The following ASIC2 variants were observed in gnomAD, a reference collection of about 807,000 sequenced individuals.
ASIC2 encodes the protein acid-sensing ion channel 2.
In ASIC2, 25 loss-of-function variants were observed where a neutral mutation model predicts 57.3. The ratio of observed to expected loss-of-function variants is 0.44; its 90% CI spans 0.32 to 0.61. ASIC2 has a LOEUF of 0.61. Among genes scored for constraint, ASIC2 ranks in the 20% least tolerant of loss-of-function variants. ASIC2 has a pLI of 0.06. For synonymous variants in ASIC2, 319 were observed against 307.5 expected, an observed-to-expected ratio of 1.04 and a Z score of -0.39; for missense variants, 641 against 738.1, an observed-to-expected ratio of 0.87 and a Z score of 1.52.
chr17:33,526,275 G>A (rs561664646), intron 1 of ASIC2, among the ~76,000 whole-genome samples: 1 of 152,250 alleles, frequency 6.6e-6, no homozygotes, highest in South Asian at 2.1e-4. Context: ...TCTTCTTGCA[G>A]GGCAGCAGAG....
chr17:33,187,976 A>G (rs1433226581), intron 1 of ASIC2, among the ~76,000 whole-genome samples: 6 of 151,982 alleles, frequency 3.9e-5, no homozygotes, highest in Non-Finnish European at 8.8e-5. Flanking sequence ...GCAATGAGGG[A>G]AAAAAATCAA....
chr17:33,500,459 C>A (rs1914067112), intron 1 of ASIC2, among the ~76,000 whole-genome samples: 1 of 152,196 alleles, frequency 6.6e-6, no homozygotes, highest in Non-Finnish European at 1.5e-5. Flanking sequence ...AGGCCTGGGA[C>A]AGGCCTACAA....
chr17:33,873,667 T>C (rs529320759), intron 1 of ASIC2, among the ~76,000 whole-genome samples: 2 of 152,336 alleles, frequency 1.3e-5, no homozygotes, highest in African/African-American at 4.8e-5. Context: ...GGTAATACCA[T>C]GTACAAAAGC....
At chr17:33,912,444 T>C (rs1245849060) in intron 1 of ASIC2, among the ~76,000 whole-genome samples, 2 of 151,914 alleles carry the variant, frequency 1.3e-5, no homozygotes, top group Non-Finnish European at 2.9e-5. Context: ...ATGGCGCCAC[T>C]GCACTCCAGC....
chr17:33,719,145 G>A (rs1276841796), intron 1 of ASIC2, among the ~76,000 whole-genome samples: 1 of 152,282 alleles, frequency 6.6e-6, no homozygotes, highest in African/African-American at 2.4e-5. Flanking sequence ...CCACCAGAGA[G>A]GAAATCAGAC....
chr17:33,636,492 T>C (rs1223143733), intron 1 of ASIC2, among the ~76,000 whole-genome samples: 2 of 152,142 alleles, frequency 1.3e-5, no homozygotes, highest in Admixed American at 1.3e-4. Context: ...GGACCCGCCC[T>C]GGCTGGTTTG....
At chr17:33,705,415 C>T (rs1467141549) in intron 1 of ASIC2, among the ~76,000 whole-genome samples, 1 of 152,022 alleles carries the variant, frequency 6.6e-6, no homozygotes, top group Non-Finnish European at 1.5e-5. Flanking sequence ...AAGAATGTTA[C>T]CTTATTTGGA....
At chr17:33,699,389 G>A (rs1047578227) in intron 1 of ASIC2, among the ~76,000 whole-genome samples, 2 of 152,152 alleles carry the variant, frequency 1.3e-5, no homozygotes, top group African/African-American at 4.8e-5. Flanking sequence ...ACTGTCACGG[G>A]ATGCCAGTCT....
chr17:33,086,757 C>T (rs141444408), intron 3 of ASIC2, among the ~76,000 whole-genome samples: 3 of 152,246 alleles, frequency 2.0e-5, no homozygotes, highest in Non-Finnish European at 2.9e-5. Context: ...TTTGCTCCAG[C>T]CAACACCTGA....
At position 33,508,038 on chromosome 17, in the gene ASIC2, C is replaced by T. The variant is rs147544957; in HGVS notation, c.556-395971G>A. ...TTCACTAAATAAATGCAATCACAAA[C>T]TTATTCCCCTCCTCTACCTTTTGCC... On this transcript the variant is annotated intron_variant, in intron 1 of 9. Coordinates refer to the ASIC2 transcript ENST00000359872. 3.3e-5 allele frequency among the ~76,000 whole-genome samples: 5 copies of T among 152,224 alleles called. No individual in the cohort carries two copies. The East Asian group carries it at 9.7e-4, about 29-fold the overall frequency.
intron 1 of ASIC2, among the ~76,000 whole-genome samples, chr17:33,923,569 CT>C (rs1915755220): frequency 6.6e-6 from 1 of 152,126 alleles, no homozygotes; most frequent in African/African-American, 2.4e-5. Flanking sequence ...CTCCTTGTGG[CT>C]GGACCTTACA....
chr17:33,111,134 C>T (rs2092256488), intron 2 of ASIC2, among the ~76,000 whole-genome samples: 1 of 152,164 alleles, frequency 6.6e-6, no homozygotes, highest in South Asian at 2.1e-4. Context: ...TTCCTGAGCC[C>T]CTCTTATGAA....
At chr17:33,710,110 A>G (rs1052555190) in intron 1 of ASIC2, among the ~76,000 whole-genome samples, 4 of 152,212 alleles carry the variant, frequency 2.6e-5, no homozygotes. Context: ...GTCTGCATGG[A>G]TCCTGAGATC....
chr17:33,024,761 T>A (rs577336846), intron 5 of ASIC2, among the ~76,000 whole-genome samples: 9 of 152,294 alleles, frequency 5.9e-5, no homozygotes, highest in Non-Finnish European at 1.3e-4. Flanking sequence ...CTGGCCTGCC[T>A]TTGCAGATTT....
chr17:33,861,985 A>G (rs533416736), intron 1 of ASIC2, among the ~76,000 whole-genome samples: 2 of 152,344 alleles, frequency 1.3e-5, no homozygotes, highest in South Asian at 4.1e-4. Context: ...CTCCTGCATC[A>G]AGCAGCCCCT....
At chr17:33,312,871 G>T (rs1165060717) in intron 1 of ASIC2, among the ~76,000 whole-genome samples, 2 of 152,190 alleles carry the variant, frequency 1.3e-5, no homozygotes, top group African/African-American at 4.8e-5. Flanking sequence ...AGGAGGCGGA[G>T]GTTGCAGTGA....
chr17:33,348,140 A>C (rs527326582), intron 1 of ASIC2, among the ~76,000 whole-genome samples: 1 of 152,298 alleles, frequency 6.6e-6, no homozygotes, highest in East Asian at 1.9e-4. Flanking sequence ...GGAGGAAATA[A>C]GGTCAACAAA....
At chr17:33,470,590 A>G (rs1259286182) in intron 1 of ASIC2, among the ~76,000 whole-genome samples, 2 of 152,170 alleles carry the variant, frequency 1.3e-5, no homozygotes, top group African/African-American at 2.4e-5. Flanking sequence ...TGCTGATGCT[A>G]TGAGTCTGTG....
chr17:33,254,753 AG>A (rs1908999917), intron 1 of ASIC2, among the ~76,000 whole-genome samples: 1 of 152,194 alleles, frequency 6.6e-6, no homozygotes, highest in African/African-American at 2.4e-5. Context: ...TTTGATCCAC[AG>A]GAATAATGCT....
Sources: gnomAD v4.1 joint callset for allele counts (sites outside exome capture counted in the v4.1 genomes callset) on GRCh38, gnomAD v4.1.1 for gene constraint, MANE v1.5 for transcripts, NCBI Gene and HGNC (gene_info 2026-07-23, HGNC 2026-07-21) for gene names.